ADAM12: variants seen among roughly 807,000 people sequenced by gnomAD.
ADAM12 encodes disintegrin and metalloproteinase domain-containing protein 12.
Under a neutral mutation model 106.4 loss-of-function variants are expected in ADAM12, and 70 were observed. The observed-to-expected ratio is 0.66, with a 90% CI of 0.54 to 0.80. The LOEUF is 0.80. Among genes scored for constraint, ADAM12 ranks in the 30% least tolerant of loss-of-function variants. The pLI, the probability that ADAM12 is intolerant of heterozygous loss-of-function variation, is 0.00. For synonymous variants in ADAM12, 420 were observed against 433.5 expected (o/e 0.97, Z 0.39); for missense variants, 1,010 against 1,171.9 (o/e 0.86, Z 2.02).
intron 2 of ADAM12, among the ~76,000 whole-genome samples, chr10:126,288,376 C>T (rs1959978526): frequency 6.6e-6 from 1 of 152,126 alleles, no homozygotes; most frequent in Non-Finnish European, 1.5e-5. Context: ...CCTCAGCTCT[C>T]CGGAGAGGAT....
intron 1 of ADAM12, among the ~76,000 whole-genome samples, chr10:126,355,452 A>G (rs1160217380): frequency 1.3e-5 from 2 of 152,260 alleles, no homozygotes; most frequent in Non-Finnish European, 2.9e-5. Context: ...ACAGACAGGA[A>G]CATGTGGGTC....
intron 21 of ADAM12, among the ~76,000 whole-genome samples, chr10:126,026,079 T>C (rs560390950): frequency 1.3e-5 from 2 of 152,224 alleles, no homozygotes; most frequent in East Asian, 3.9e-4. Context: ...GAAAGACCCA[T>C]TGGTGTGCTG....
intron 2 of ADAM12, among the ~76,000 whole-genome samples, chr10:126,316,783 C>CAAAAAAAA (rs376131530): frequency 1.2e-5 from 1 of 82,766 alleles, no homozygotes; most frequent in African/African-American, 4.6e-5. Context: ...GACCCTATCT[C>CAAAAAAAA]AAAAAAAAAA....
chr10:126,187,594 A>C (rs1957423227), intron 3 of ADAM12, among the ~76,000 whole-genome samples: 1 of 152,120 alleles, frequency 6.6e-6, no homozygotes, highest in African/African-American at 2.4e-5. Flanking sequence ...CTGGGGCTAC[A>C]TTGCTCCTGC....
chr10:126,194,484 AC>A (rs1957562574), intron 3 of ADAM12, among the ~76,000 whole-genome samples: 1 of 152,192 alleles, frequency 6.6e-6, no homozygotes, highest in Admixed American at 6.5e-5. Flanking sequence ...AGCATTTCTC[AC>A]ACGTAGAGAA....
intron 21 of ADAM12, among the ~76,000 whole-genome samples, chr10:126,027,755 C>T (rs60645768): frequency 0.021 from 3,156 of 152,184 alleles, 96 homozygotes; most frequent in African/African-American, 0.068. Context: ...AGCTAATATC[C>T]TGAATGAGTA....
chr10:126,171,611 C>T (rs759896155), intron 3 of ADAM12, among the ~76,000 whole-genome samples: 16 of 152,158 alleles, frequency 1.1e-4, no homozygotes, highest in Non-Finnish European at 1.8e-4. Context: ...CGGTGTCTTG[C>T]GTATGGGACA....
At chr10:126,166,402 A>T (rs900484132) in intron 3 of ADAM12, among the ~76,000 whole-genome samples, 2 of 147,754 alleles carry the variant, frequency 1.4e-5, no homozygotes, top group Non-Finnish European at 3.1e-5. Context: ...CTCAGTCTTA[A>T]GGCTTTGGGC....
chr10:126,113,455 T>G (rs1390076780), intron 6 of ADAM12, among the ~76,000 whole-genome samples: 1 of 149,546 alleles, frequency 6.7e-6, no homozygotes, highest in Non-Finnish European at 1.5e-5. Flanking sequence ...CGGTCAGGAG[T>G]TCAAGACCAG....
At chr10:126,362,501 A>G (rs1855775098) in intron 1 of ADAM12, among the ~76,000 whole-genome samples, 2 of 152,312 alleles carry the variant, frequency 1.3e-5, no homozygotes, top group South Asian at 2.1e-4. Context: ...CTGAACTCCC[A>G]TGTGCATTGC....
At chr10:126,167,422 T>C (rs998447506) in intron 3 of ADAM12, among the ~76,000 whole-genome samples, 2 of 152,254 alleles carry the variant, frequency 1.3e-5, no homozygotes, top group Non-Finnish European at 2.9e-5. Context: ...TCTCTGTCTT[T>C]GAAAGAAATT....
At chr10:126,054,261 G>A (rs1286558726) in intron 14 of ADAM12, among the ~76,000 whole-genome samples, 1 of 152,172 alleles carries the variant, frequency 6.6e-6, no homozygotes, top group East Asian at 1.9e-4. Flanking sequence ...TCTTTTACCA[G>A]AATAACCAAA....
At chr10:126,103,377 C>T (rs1252926483) in intron 8 of ADAM12, among the ~76,000 whole-genome samples, 1 of 152,192 alleles carries the variant, frequency 6.6e-6, no homozygotes, top group Non-Finnish European at 1.5e-5. Context: ...TTTGATTCTT[C>T]CTAATAACCA....
chr10:126,361,663 G>C (rs1239094673), intron 1 of ADAM12, among the ~76,000 whole-genome samples: 1 of 152,070 alleles, frequency 6.6e-6, no homozygotes, highest in Non-Finnish European at 1.5e-5. Context: ...TTTTGACAAA[G>C]GTGCCAAGGA....
intron 3 of ADAM12, among the ~76,000 whole-genome samples, chr10:126,226,203 G>A (rs1353907991): frequency 4.0e-5 from 6 of 149,364 alleles, no homozygotes; most frequent in Admixed American, 1.4e-4. Context: ...GGGAGGGGGC[G>A]GGGGGAGTGG....
chr10:126,126,501 G>A (rs1321902628), intron 5 of ADAM12, among the ~76,000 whole-genome samples: 1 of 152,028 alleles, frequency 6.6e-6, no homozygotes, highest in Non-Finnish European at 1.5e-5. Context: ...AGGTGAGTAA[G>A]TGATCACTAA....
chr10:126,090,551 T>C (rs1296290892), intron 11 of ADAM12, among the ~76,000 whole-genome samples: 1 of 152,052 alleles, frequency 6.6e-6, no homozygotes, highest in Non-Finnish European at 1.5e-5. Context: ...CCCACATGAA[T>C]CCCCAGATAC....
intron 3 of ADAM12, among the ~76,000 whole-genome samples, chr10:126,185,088 G>A (rs139781798): frequency 6.6e-6 from 1 of 152,290 alleles, no homozygotes; most frequent in East Asian, 1.9e-4. Flanking sequence ...TATCCTTTCA[G>A]GACCGTCTTG....
intron 3 of ADAM12, among the ~76,000 whole-genome samples, chr10:126,218,181 TG>T (rs953742230): frequency 2.7e-5 from 3 of 109,698 alleles, no homozygotes; most frequent in Non-Finnish European, 5.6e-5. Flanking sequence ...AGTGTGTGTG[TG>T]GGGGGGCAGG....
Sources: gnomAD v4.1 joint callset for allele counts (sites outside exome capture counted in the v4.1 genomes callset) on GRCh38, gnomAD v4.1.1 for gene constraint, MANE v1.5 for transcripts, NCBI Gene and HGNC (gene_info 2026-07-23, HGNC 2026-07-21) for gene names.